RAD52: variants seen among roughly 807,000 people sequenced by gnomAD.
RAD52 encodes the protein RAD52 DNA repair protein.
RAD52 carries 47 observed loss-of-function variants against 55.5 expected under a neutral mutation model. That is an observed-to-expected ratio of 0.85 (90% CI 0.67 to 1.08). The LOEUF (loss-of-function observed/expected upper bound fraction) is 1.08, where lower values mean the gene tolerates loss of function less well. RAD52 is among the 50% of genes least tolerant of loss of function. RAD52 has a pLI of 0.00. For missense variants in RAD52, 468 were observed against 522.8 expected (o/e 0.90, Z 1.02); for synonymous variants, 184 against 198.9 (o/e 0.92, Z 0.63).
intron 1 of RAD52, among the ~76,000 whole-genome samples, chr12:944,761 T>TA (rs1958114702): frequency 8.1e-5 from 1 of 12,340 alleles, no homozygotes. Flanking sequence ...CCTAAAAGCA[T>TA]TTTTCTTTCT....
intron 1 of RAD52, among the ~76,000 whole-genome samples, chr12:968,219 T>C (rs916218499): frequency 6.6e-6 from 1 of 152,132 alleles, no homozygotes; most frequent in Non-Finnish European, 1.5e-5. Context: ...TGCAGCAATC[T>C]GGGAGGCATT....
intron 1 of RAD52, among the ~76,000 whole-genome samples, chr12:986,136 G>A (rs1028917636): frequency 6.6e-6 from 1 of 150,810 alleles, no homozygotes; most frequent in Non-Finnish European, 1.5e-5. Flanking sequence ...GTTTTTCCAT[G>A]TTGGTCAGGC....
At chr12:970,812 A>AG (rs1402117612) in intron 1 of RAD52, among the ~76,000 whole-genome samples, 2 of 152,136 alleles carry the variant, frequency 1.3e-5, no homozygotes, top group Admixed American at 1.3e-4. Flanking sequence ...ATCACAGCAA[A>AG]GGGAATGTTC....
chr12:979,257 A>T (rs6489775), intron 1 of RAD52, among the ~76,000 whole-genome samples: 149,923 of 152,218 alleles, frequency 0.98, 73,868 homozygotes, highest in East Asian at 1. Flanking sequence ...CAGGGCAACA[A>T]GGCGAAACCC....
chr12:917,583 TA>T (rs1193144731), intron 7 of RAD52, among the ~76,000 whole-genome samples: 1 of 151,796 alleles, frequency 6.6e-6, no homozygotes, highest in African/African-American at 2.4e-5. Flanking sequence ...ATGAGTAGTT[TA>T]AAAAGAAATG....
At chr12:962,441 A>G (rs1592475168) in intron 1 of RAD52, among the ~76,000 whole-genome samples, 1 of 148,244 alleles carries the variant, frequency 6.7e-6, no homozygotes, top group Non-Finnish European at 1.5e-5. Context: ...CCAGGTTCAC[A>G]CCATTCTCCT....
intron 5 of RAD52, among the ~76,000 whole-genome samples, chr12:928,082 CAGAA>C (rs369027689): frequency 5.8e-4 from 88 of 152,194 alleles, no homozygotes; most frequent in Non-Finnish European, 9.0e-4. Context: ...AAAAATAACT[CAGAA>C]AGCACTCAAA....
chr12:971,628 GATA>G (rs539121758), intron 1 of RAD52, among the ~76,000 whole-genome samples: 201 of 152,214 alleles, frequency 1.3e-3, no homozygotes, highest in Non-Finnish European at 2.3e-3. Flanking sequence ...AATATGGAAA[GATA>G]ATAAATTTTG....
chr12:929,496 C>T (rs1178136024), intron 5 of RAD52, among the ~76,000 whole-genome samples: 1 of 152,152 alleles, frequency 6.6e-6, no homozygotes, highest in East Asian at 1.9e-4. Flanking sequence ...GTTGAGTTTC[C>T]AAACACTTAT....
intron 1 of RAD52, chr12:975,517 AAGG>A (rs1958924204): frequency 6.6e-6 from 1 of 152,220 alleles, no homozygotes; most frequent in Non-Finnish European, 1.5e-5. Context: ...ACAGGTAATA[AAGG>A]AGGATCCAAA....
At chr12:939,404 C>T (rs1436676535) in intron 1 of RAD52, among the ~76,000 whole-genome samples, 3 of 152,096 alleles carry the variant, frequency 2.0e-5, no homozygotes, top group African/African-American at 7.2e-5. Flanking sequence ...TCCTGCCCAG[C>T]CTCCCAAAGC....
At chr12:947,014 C>G (rs1958265285) in intron 1 of RAD52, among the ~76,000 whole-genome samples, 1 of 152,182 alleles carries the variant, frequency 6.6e-6, no homozygotes, top group Non-Finnish European at 1.5e-5. Context: ...AAGTGGTGAA[C>G]TGAGAATAGA....
rs1956127152 is a variant in RAD52 at position 912,189 on chromosome 12, T to C, written c.*1202A>G. ...TTGAGCATCCCTAATTGAAATGCTC[T>C]GAGATCAGAAAATTTCTGAGCACTG... is the stretch of plus-strand genomic sequence containing the variant. On this transcript the variant is annotated 3_prime_UTR_variant, in exon 12 of 12. Transcript: ENST00000358495. The C allele has an allele frequency of 2.1e-4, 41 of 195,986 alleles. No homozygotes were observed. The East Asian group carries it at 3.2e-3, about 15-fold the overall frequency. The allele number at this position is 195,986 out of a possible 1,614,324, so 12.1% of individuals were successfully genotyped here.
chr12:943,395 T>G (rs1026497084), intron 1 of RAD52, among the ~76,000 whole-genome samples: 1 of 152,136 alleles, frequency 6.6e-6, no homozygotes, highest in Non-Finnish European at 1.5e-5. Flanking sequence ...CAGGCTGGAG[T>G]GCAGTGGCAC....
chr12:916,294 A>G, intron 9 of RAD52, 50 bp downstream of exon 9: 3 of 1,591,072 alleles, frequency 1.9e-6, no homozygotes, highest in Admixed American at 1.8e-5. Flanking sequence ...CTGCGGCTAC[A>G]CTTCCTCCTG....
At chr12:934,366 G>A (rs1421820456) in intron 1 of RAD52, among the ~76,000 whole-genome samples, 1 of 151,346 alleles carries the variant, frequency 6.6e-6, no homozygotes, top group Non-Finnish European at 1.5e-5. Context: ...GGGAGGCTGA[G>A]GTAGGAGAAT....
At chr12:988,276 A>G (rs922686607) in intron 1 of RAD52, among the ~76,000 whole-genome samples, 1 of 152,198 alleles carries the variant, frequency 6.6e-6, no homozygotes, top group Non-Finnish European at 1.5e-5. Context: ...AAATTTCAAG[A>G]TCTATTTTTA....
chr12:938,193 A>G (rs1248803917), intron 1 of RAD52, among the ~76,000 whole-genome samples: 1 of 152,178 alleles, frequency 6.6e-6, no homozygotes, highest in African/African-American at 2.4e-5. Flanking sequence ...AATGTCACCA[A>G]TTACAGTCAC....
upstream of RAD52, among the ~76,000 whole-genome samples, chr12:952,114 A>G (rs1366700887): frequency 6.6e-6 from 1 of 152,178 alleles, no homozygotes; most frequent in Non-Finnish European, 1.5e-5. Context: ...CAGAGGCTAC[A>G]TGCCCAGCTA....
Sources: allele counts gnomAD v4.1 joint callset (sites outside exome capture counted in the v4.1 genomes callset), GRCh38; gene constraint gnomAD v4.1.1; transcripts MANE v1.5; gene names NCBI Gene and HGNC (gene_info 2026-07-23, HGNC 2026-07-21).